TMTC1: variants seen among roughly 807,000 people sequenced by gnomAD.
TMTC1 encodes transmembrane O-mannosyltransferase targeting cadherins 1.
TMTC1 carries 73 observed loss-of-function variants against 104.8 expected under a neutral mutation model. The observed-to-expected ratio is 0.70, with a 90% CI of 0.58 to 0.85. The LOEUF (loss-of-function observed/expected upper bound fraction) is 0.85. Ranked by LOEUF, TMTC1 falls within the 40% of genes least tolerant of loss-of-function variation. The pLI is 0.00. For synonymous variants in TMTC1, 434 were observed against 428.7 expected (o/e 1.01, Z -0.15); for missense variants, 1,035 against 1,096.1 (o/e 0.94, Z 0.79).
At chr12:29,769,642 C>T (rs1943551462) in intron 1 of TMTC1, among the ~76,000 whole-genome samples, 1 of 152,122 alleles carries the variant, frequency 6.6e-6, no homozygotes, top group African/African-American at 2.4e-5. Flanking sequence ...CCTAAGAGTC[C>T]ACCCCTCTGA....
intron 17 of TMTC1, among the ~76,000 whole-genome samples, chr12:29,511,727 T>C (rs1943842441): frequency 6.6e-6 from 1 of 152,176 alleles, no homozygotes; most frequent in African/African-American, 2.4e-5. Context: ...TGAACAACGA[T>C]TTAGTTCCCA....
intron 7 of TMTC1, among the ~76,000 whole-genome samples, chr12:29,595,087 G>A (rs543409499): frequency 6.6e-6 from 1 of 152,244 alleles, no homozygotes; most frequent in South Asian, 2.1e-4. Flanking sequence ...ATTGTATTCA[G>A]TCTCATCTGA....
chr12:29,702,162 T>G (rs945487305), intron 5 of TMTC1, among the ~76,000 whole-genome samples: 7 of 152,232 alleles, frequency 4.6e-5, no homozygotes, highest in Admixed American at 3.3e-4. Flanking sequence ...TTCATGATAC[T>G]GCCTTCTTCT....
intron 5 of TMTC1, among the ~76,000 whole-genome samples, chr12:29,648,977 G>T (rs1939396986): frequency 1.3e-5 from 2 of 152,030 alleles, no homozygotes; most frequent in African/African-American, 4.8e-5. Context: ...TCCTCTGGTG[G>T]ACTGCAAGGA....
intron 2 of TMTC1, among the ~76,000 whole-genome samples, chr12:29,764,402 G>A (rs1484828294): frequency 6.6e-6 from 1 of 152,148 alleles, no homozygotes; most frequent in African/African-American, 2.4e-5. Flanking sequence ...TAGCTACTGG[G>A]GAGACTGAGG....
intron 9 of TMTC1, among the ~76,000 whole-genome samples, chr12:29,571,275 A>G (rs992714637): frequency 2.0e-5 from 3 of 152,112 alleles, no homozygotes; most frequent in African/African-American, 7.2e-5. Context: ...ATATTTAGTT[A>G]TTATGTCTCC....
intron 5 of TMTC1, among the ~76,000 whole-genome samples, chr12:29,740,231 T>G (rs950733353): frequency 1.3e-5 from 2 of 152,088 alleles, no homozygotes; most frequent in African/African-American, 4.8e-5. Flanking sequence ...TAATACTGAG[T>G]GTCAACTTGA....
At chr12:29,688,465 C>A (rs11050375) in intron 5 of TMTC1, among the ~76,000 whole-genome samples, 33,520 of 152,138 alleles carry the variant, frequency 0.22, 4,580 homozygotes, top group Non-Finnish European at 0.31. Context: ...AAGAGTTCTG[C>A]AATATGTCAA....
intron 8 of TMTC1, among the ~76,000 whole-genome samples, chr12:29,578,719 T>C (rs1945893084): frequency 1.3e-5 from 2 of 152,196 alleles, no homozygotes; most frequent in East Asian, 1.9e-4. Context: ...CAATTTGTTT[T>C]GTTGGCATCA....
At chr12:29,593,882 C>T (rs1031405642) in intron 7 of TMTC1, among the ~76,000 whole-genome samples, 18 of 152,216 alleles carry the variant, frequency 1.2e-4, no homozygotes, top group African/African-American at 4.3e-4. Context: ...GCAACTAAAA[C>T]ATAGCAGGGG....
chr12:29,597,140 G>A (rs1946425578), intron 7 of TMTC1, among the ~76,000 whole-genome samples: 1 of 151,936 alleles, frequency 6.6e-6, no homozygotes, highest in African/African-American at 2.4e-5. Context: ...CCCTCTCAGT[G>A]TCCAGGGCCT....
rs189175423 is a variant in TMTC1, at chr12:29,694,551, T to C, written c.938+57115A>G. Among the ~76,000 whole-genome samples, 22 of 152,094 alleles carry C rather than the reference T, an allele frequency of 1.4e-4. 2 individuals are homozygous for C. Among genetic ancestry groups the C allele is most frequent in the African/African-American group, 5.1e-4 (21 of 41,374 alleles). On this transcript the variant is annotated intron_variant, in intron 5 of 17. Transcript: ENST00000539277. ...TCTTTTAATTTTTTTTTTTCAAATA[T>C]TGTCAATCTGTGAAATCCACGGATA...
intron 11 of TMTC1, among the ~76,000 whole-genome samples, chr12:29,522,284 C>T (rs746155985): frequency 1.3e-5 from 2 of 152,120 alleles, no homozygotes; most frequent in African/African-American, 4.8e-5. Context: ...CAGAAAGGGA[C>T]ATATACTTTA....
At position 29,783,667 on chromosome 12, in the gene TMTC1, C is replaced by T. The variant is rs757483614; in HGVS notation, c.85G>A (p.Ala29Thr). 7.5e-7 allele frequency: 1 copy of T among 1,340,940 alleles called. No individual in the cohort carries two copies. The highest frequency in any genetic ancestry group is 2.0e-5 in the South Asian group (1 of 49,932). The allele number at this position is 1,340,940 out of a possible 1,614,324, so 83.1% of individuals were successfully genotyped here. A position where few individuals can be genotyped will look rare whatever the true frequency, so the allele number is the denominator to read the frequency against. Residue 29 changes from alanine (A) to threonine (T), a missense_variant, in exon 1 of 18, where the codon GCC (alanine) becomes ACC (threonine). Coordinates refer to ENST00000539277, the MANE Select transcript of TMTC1 (RefSeq NM_001193451.2). This position sits in a 1 kb window ranked among gnomAD's most constrained non-coding sequence, Gnocchi z 4.7. Reference protein sequence around the residue: ...RRGCGLAPAGAAALLAGASCL... With the variant: ...RRGCGLAPAGTAALLAGASCL... ...CTTGCCCCGGCCAGCAGCGCCGCGGCCCCGGCCGGCGCTAGCCCGCAGCCC... is the reference window on the plus strand; with the variant it reads ...CTTGCCCCGGCCAGCAGCGCCGCGGTCCCGGCCGGCGCTAGCCCGCAGCCC...
rs140009038 is a variant in TMTC1 at position 29,643,430 on chromosome 12, G to GAT, written c.939-10096_939-10095dup. On this transcript the variant is annotated intron_variant, in intron 5 of 17. Transcript: ENST00000539277. The stretch of plus-strand genomic sequence containing the variant: ...ATCAATCAACGAGTGGATAAACTGT[G>GAT]ATATATATATATATATCACATATAT... 1.0e-3 allele frequency among the ~76,000 whole-genome samples: 125 copies of GAT among 121,092 alleles called. 2 individuals carry two copies. Among genetic ancestry groups the GAT allele is most frequent in the South Asian group, 5.8e-3 (23 of 3,944 alleles). 79.4% of individuals were successfully genotyped at this position (121,092 alleles called of 152,430 possible).
intron 5 of TMTC1, among the ~76,000 whole-genome samples, chr12:29,644,055 T>G (rs1565734856): frequency 3.7e-5 from 1 of 27,102 alleles, no homozygotes; most frequent in African/African-American, 1.1e-4. Context: ...TATATATAAA[T>G]ATAAATATAT....
chr12:29,653,355 C>T (rs375969073), intron 5 of TMTC1, among the ~76,000 whole-genome samples: 50 of 151,664 alleles, frequency 3.3e-4, no homozygotes, highest in African/African-American at 1.1e-3. Flanking sequence ...TGAATTCCGG[C>T]GAATAATAAG....
chr12:29,629,158 A>G (rs1358564775), intron 6 of TMTC1, among the ~76,000 whole-genome samples: 3 of 151,692 alleles, frequency 2.0e-5, no homozygotes, highest in Non-Finnish European at 2.9e-5. Context: ...TCTCTACTAA[A>G]AAAATACAAA....
At chr12:29,781,830 C>CA in intron 1 of TMTC1, among the ~76,000 whole-genome samples, 1 of 151,420 alleles carries the variant, frequency 6.6e-6, no homozygotes, top group East Asian at 1.9e-4. Flanking sequence ...GATCCCATCC[C>CA]AAAAAAGAAA....
Sources: gnomAD v4.1 joint callset for allele counts (sites outside exome capture counted in the v4.1 genomes callset) on GRCh38, gnomAD v4.1.1 for gene constraint, Gnocchi (gnomAD v3.1) non-coding constraint, MANE v1.5 for transcripts, NCBI Gene and HGNC (gene_info 2026-07-23, HGNC 2026-07-21) for gene names.